The following AUTS2 variants were observed in gnomAD, a reference collection of about 807,000 sequenced individuals.
AUTS2 encodes activator of transcription and developmental regulator AUTS2.
In AUTS2, 17 loss-of-function variants were observed where a neutral mutation model predicts 112.4. That is an observed-to-expected ratio of 0.15 (90% CI 0.10 to 0.23). The LOEUF (loss-of-function observed/expected upper bound fraction) is 0.23. Among genes scored for constraint, AUTS2 ranks in the 10% least tolerant of loss-of-function variants. The probability of loss-of-function intolerance (pLI) is 1.00; values close to 1 mark genes in which losing one functional copy is unlikely to be tolerated. For missense variants in AUTS2, 1,510 were observed against 1,701.6 expected (o/e 0.89, Z 1.98); for synonymous variants, 751 against 702.7 (o/e 1.07, Z -1.09).
chr7:70,790,334 C>G lies in AUTS2; in HGVS notation c.3118C>G (p.Leu1040Val), dbSNP rs1482513220. The change falls in exon 19 of 19, where the codon CTG (leucine) becomes GTG (valine). Residue 1040 changes from leucine to valine, a missense_variant. Physicochemically the swap from Leu to Val is conservative, Grantham distance 32 (BLOSUM62 1). Transcript: ENST00000342771. This position sits in a 1 kb window ranked among gnomAD's most constrained non-coding sequence, Gnocchi z 7.6. ...GIHPMNSISS[L>V]DRTRMMTPFM... is the part of the protein sequence containing the mutation. ...TCACCCCATGAACAGCATCAGCAGC[C>G]TGGACAGGACTCGCATGATGACCCC... The G allele has an allele frequency of 1.9e-6, 3 of 1,613,854 alleles. No individual in the cohort carries two copies. The East Asian group carries it at 6.7e-5, about 36-fold the overall frequency.
rs552055098 is a variant in AUTS2, at chr7:70,788,862, A to G, written c.2532-886A>G. Among the ~76,000 whole-genome samples the G allele has an allele frequency of 1.7e-3, 260 of 152,198 alleles. 2 individuals are homozygous for G. The highest frequency in any genetic ancestry group is 6.1e-3 in the African/African-American group (252 of 41,538). ...TATCTGTCTTGGCACCATCCGTAAGACCTGCCTGGTCTTAGTTTTAACTCA... is the reference window on the plus strand; with the variant it reads ...TATCTGTCTTGGCACCATCCGTAAGGCCTGCCTGGTCTTAGTTTTAACTCA... On this transcript the variant is annotated intron_variant, in intron 18 of 18. Transcript: ENST00000342771.
intron 5 of AUTS2, among the ~76,000 whole-genome samples, chr7:70,505,967 G>A (rs1798943218): frequency 6.6e-6 from 1 of 152,160 alleles, no homozygotes; most frequent in Admixed American, 6.5e-5. Context: ...TCCAGGCTCC[G>A]AGTAGAAGTC....
intron 4 of AUTS2, among the ~76,000 whole-genome samples, chr7:70,185,244 A>C (rs941186170): frequency 1.4e-5 from 2 of 139,000 alleles, no homozygotes; most frequent in Non-Finnish European, 3.2e-5. Context: ...CTTTGGGCCT[A>C]AATGACATTA....
chr7:70,709,034 C>T (rs1367198457), intron 6 of AUTS2, among the ~76,000 whole-genome samples: 1 of 151,620 alleles, frequency 6.6e-6, no homozygotes, highest in East Asian at 2.0e-4. Context: ...TCTCCTGCCT[C>T]AGCCTCCCGA....
chr7:70,693,873 G>C (rs2129546732), intron 5 of AUTS2, among the ~76,000 whole-genome samples: 1 of 152,160 alleles, frequency 6.6e-6, no homozygotes, highest in East Asian at 2.0e-4. Flanking sequence ...CCGAGGGCTC[G>C]AGCCGCGGGG....
At chr7:69,933,169 G>C (rs1189055351) in intron 2 of AUTS2, among the ~76,000 whole-genome samples, 1 of 152,092 alleles carries the variant, frequency 6.6e-6, no homozygotes, top group Admixed American at 6.5e-5. Flanking sequence ...TGCTTCTTTA[G>C]AGTACTAATC....
At chr7:70,545,259 G>A (rs977181927) in intron 5 of AUTS2, among the ~76,000 whole-genome samples, 2 of 152,170 alleles carry the variant, frequency 1.3e-5, no homozygotes, top group South Asian at 2.1e-4. Flanking sequence ...AGGGAAAGCC[G>A]AGAGCAGTTC....
At chr7:70,280,158 A>C (rs1788137411) in intron 4 of AUTS2, among the ~76,000 whole-genome samples, 1 of 152,220 alleles carries the variant, frequency 6.6e-6, no homozygotes, top group African/African-American at 2.4e-5. Context: ...TAGTAGTTAC[A>C]GCTCTAGAGC....
At chr7:70,555,845 G>T (rs963513111) in intron 5 of AUTS2, among the ~76,000 whole-genome samples, 7 of 148,782 alleles carry the variant, frequency 4.7e-5, no homozygotes, top group Non-Finnish European at 7.4e-5. Context: ...TCGCTCTGTC[G>T]CCCAGCTGGA....
intron 1 of AUTS2, among the ~76,000 whole-genome samples, chr7:69,838,540 C>T (rs1296491341): frequency 6.6e-6 from 1 of 152,152 alleles, no homozygotes; most frequent in African/African-American, 2.4e-5. Flanking sequence ...CTGGATCCAT[C>T]AAAACCTTTG....
chr7:69,955,364 G>T (rs573518445), intron 2 of AUTS2, among the ~76,000 whole-genome samples: 1 of 152,220 alleles, frequency 6.6e-6, no homozygotes, highest in African/African-American at 2.4e-5. Flanking sequence ...TGTGTGTTTA[G>T]CTTCCATAAC....
intron 6 of AUTS2, among the ~76,000 whole-genome samples, chr7:70,746,725 G>A (rs1428052257): frequency 3.9e-5 from 6 of 152,102 alleles, no homozygotes; most frequent in Middle Eastern, 3.4e-3. Context: ...GGGAGAGGGG[G>A]GCAGGCCTTG....
intron 1 of AUTS2, among the ~76,000 whole-genome samples, chr7:69,763,409 C>T (rs557055278): frequency 2.6e-4 from 40 of 152,218 alleles, no homozygotes; most frequent in African/African-American, 5.5e-4. Flanking sequence ...CTTGTAAGAA[C>T]GGGTACACAA....
At chr7:70,287,856 T>C (rs960689152) in intron 4 of AUTS2, among the ~76,000 whole-genome samples, 3 of 151,976 alleles carry the variant, frequency 2.0e-5, no homozygotes, top group African/African-American at 4.8e-5. Flanking sequence ...AAAAATGTTA[T>C]GAAATGAGAA....
chr7:70,259,792 T>C (rs1787070362), intron 4 of AUTS2, among the ~76,000 whole-genome samples: 1 of 152,180 alleles, frequency 6.6e-6, no homozygotes, highest in South Asian at 2.1e-4. Flanking sequence ...CTTGCTTGGA[T>C]CTCTCAAAGC....
rs533318872 is a variant in AUTS2, at chr7:70,629,238, A to G, written c.691-69331A>G. ...GTAAGCCTAGCATTTTGGGAAACCAAGGTGGGAGGATCACCTGAGCTCAAG... is the reference window on the plus strand; with the variant it reads ...GTAAGCCTAGCATTTTGGGAAACCAGGGTGGGAGGATCACCTGAGCTCAAG... On this transcript the variant is annotated intron_variant, in intron 5 of 18. Coordinates refer to ENST00000342771, the MANE Select transcript of AUTS2 (RefSeq NM_015570.4). Among the ~76,000 whole-genome samples, 91 of 152,308 alleles carry G rather than the reference A, an allele frequency of 6.0e-4. 1 individual carries two copies. In the Middle Eastern group the frequency reaches 0.01, roughly 17 times the overall value.
intron 1 of AUTS2, among the ~76,000 whole-genome samples, chr7:69,825,396 G>A (rs1192030628): frequency 6.6e-6 from 1 of 152,114 alleles, no homozygotes; most frequent in Non-Finnish European, 1.5e-5. Flanking sequence ...GGTGATTCTA[G>A]GGTATAACTG....
At chr7:69,828,311 A>C (rs1791345121) in intron 1 of AUTS2, among the ~76,000 whole-genome samples, 1 of 152,202 alleles carries the variant, frequency 6.6e-6, no homozygotes, top group Non-Finnish European at 1.5e-5. Context: ...TTTGATGAAG[A>C]GAAGTATAAT....
intron 5 of AUTS2, among the ~76,000 whole-genome samples, chr7:70,479,378 C>T (rs576035746): frequency 6.2e-4 from 95 of 152,234 alleles, no homozygotes; most frequent in African/African-American, 2.0e-3. Flanking sequence ...TTCAGAGGCA[C>T]GCTCTGAGGC....
Sources: allele counts gnomAD v4.1 joint callset (sites outside exome capture counted in the v4.1 genomes callset), GRCh38; gene constraint gnomAD v4.1.1; non-coding constraint Gnocchi (gnomAD v3.1); transcripts MANE v1.5; gene names NCBI Gene and HGNC (gene_info 2026-07-23, HGNC 2026-07-21).